AFG1L: variants seen among roughly 807,000 people sequenced by gnomAD.
The protein encoded by AFG1L is AFG1-like ATPase.
A neutral mutation model predicts 62.2 loss-of-function variants in AFG1L; 53 were observed. The observed-to-expected ratio is 0.85, with a 90% CI of 0.68 to 1.07. AFG1L has a LOEUF of 1.07. Among genes scored for constraint, AFG1L ranks in the 50% least tolerant of loss-of-function variants. The probability of loss-of-function intolerance (pLI) is 0.00; values close to 1 mark genes in which losing one functional copy is unlikely to be tolerated. For synonymous variants in AFG1L, 228 were observed against 210.3 expected (o/e 1.08, Z -0.73); for missense variants, 555 against 590.5 (o/e 0.94, Z 0.62).
rs530757502 is a variant in AFG1L at position 108,443,046 on chromosome 6, C to G, written c.808-4168C>G. On this transcript the variant is annotated intron_variant, in intron 7 of 12. Coordinates refer to ENST00000368977, the MANE Select transcript of AFG1L (RefSeq NM_145315.5). Reference sequence around the variant, plus strand: ...TCAAGTGTGCCCAGATATTGCTGTTCTGATTATCTCTTGCTGCATAACAAA... The same window carrying G: ...TCAAGTGTGCCCAGATATTGCTGTTGTGATTATCTCTTGCTGCATAACAAA... Among the ~76,000 whole-genome samples the G allele has an allele frequency of 3.6e-4, 55 of 152,306 alleles. 1 individual carries two copies. Among genetic ancestry groups the G allele is most frequent in the African/African-American group, 1.3e-3 (55 of 41,562 alleles).
chr6:108,316,205 C>T (rs1000330149), intron 1 of AFG1L, among the ~76,000 whole-genome samples: 9 of 150,556 alleles, frequency 6.0e-5, no homozygotes, highest in African/African-American at 2.2e-4. Context: ...AACGGTGAAA[C>T]CCCGTCTCTA....
chr6:108,375,068 G>A lies in AFG1L; in HGVS notation c.748+8736G>A, dbSNP rs138718580. Among the ~76,000 whole-genome samples, 8 of 152,078 alleles carry A rather than the reference G, an allele frequency of 5.3e-5. No individual in the cohort carries two copies. The East Asian group carries it at 1.5e-3, about 29-fold the overall frequency. On this transcript the variant is annotated intron_variant, in intron 6 of 12. Coordinates refer to ENST00000368977, the MANE Select transcript of AFG1L (RefSeq NM_145315.5). ...CCTCCTTGGTTAGATGTATTCGTAG[G>A]CATTTTTTGTGTGTATGGCTATTAC... is the stretch of plus-strand genomic sequence containing the variant.
chr6:108,446,893 G>A (rs1367804547), intron 7 of AFG1L, among the ~76,000 whole-genome samples: 1 of 151,816 alleles, frequency 6.6e-6, no homozygotes, highest in Non-Finnish European at 1.5e-5. Context: ...TCACTCCAGG[G>A]TATTAGAAAT....
chr6:108,438,543 T>C (rs1052088891), intron 7 of AFG1L, among the ~76,000 whole-genome samples: 1 of 152,168 alleles, frequency 6.6e-6, no homozygotes, highest in African/African-American at 2.4e-5. Context: ...GCCCATAATA[T>C]TACTTTTTTT....
chr6:108,343,982 A>T (rs556156579), intron 2 of AFG1L, among the ~76,000 whole-genome samples: 4 of 152,352 alleles, frequency 2.6e-5, no homozygotes, highest in African/African-American at 9.6e-5. Context: ...GAACCCATAA[A>T]TTATAAAACA....
chr6:108,516,243 A>T (rs897484369), intron 11 of AFG1L, among the ~76,000 whole-genome samples: 2 of 152,220 alleles, frequency 1.3e-5, no homozygotes, highest in African/African-American at 4.8e-5. Flanking sequence ...ATCAATGCAA[A>T]AATCCTCAAT....
At chr6:108,497,517 C>T (rs1774020173) in intron 10 of AFG1L, among the ~76,000 whole-genome samples, 1 of 151,864 alleles carries the variant, frequency 6.6e-6, no homozygotes. Flanking sequence ...TGCTCTCTCC[C>T]TGCATTTCTC....
chr6:108,348,859 A>G (rs1778970069), intron 3 of AFG1L, among the ~76,000 whole-genome samples: 1 of 152,198 alleles, frequency 6.6e-6, no homozygotes, highest in South Asian at 2.1e-4. Context: ...ACCTGACCAT[A>G]AATGGAGATG....
At position 108,522,307 on chromosome 6, in the gene AFG1L, A is replaced by G; in HGVS notation, c.1328A>G (p.Glu443Gly). 6.2e-7 allele frequency: 1 copy of G among 1,613,402 alleles called. No individual in the cohort carries two copies. Among genetic ancestry groups the G allele is most frequent in the Non-Finnish European group, 8.5e-7 (1 of 1,179,772 alleles). Reference protein sequence around the residue: ...DDLGLSQDSAEGLSMFTGEEE... With the variant: ...DDLGLSQDSAGGLSMFTGEEE... Reference sequence around the variant, plus strand: ...TTGTTTTATAACCAGGATTCAGCAGAAGGACTCTCCATGTTTACCGGAGAA... The same window carrying G: ...TTGTTTTATAACCAGGATTCAGCAGGAGGACTCTCCATGTTTACCGGAGAA... Residue 443 changes from glutamate to glycine, a missense_variant, in exon 13 of 13, where the codon GAA becomes GGA. Glu to Gly is a moderately conservative substitution (Grantham distance 98). Coordinates refer to ENST00000368977, the MANE Select transcript of AFG1L (RefSeq NM_145315.5).
chr6:108,485,642 ATATATATATATATATTTTTT>A (rs1463027585), intron 10 of AFG1L, among the ~76,000 whole-genome samples: 16 of 17,788 alleles, frequency 9.0e-4, no homozygotes, highest in East Asian at 8.6e-3. Context: ...ATATATATAT[ATATATATATATATATTTTTT>A]TTTTTTTTTT....
chr6:108,333,055 G>T (rs555982181), intron 2 of AFG1L, among the ~76,000 whole-genome samples: 2 of 152,234 alleles, frequency 1.3e-5, no homozygotes, highest in East Asian at 1.9e-4. Flanking sequence ...TTAACAAAAG[G>T]TACCATAGAA....
chr6:108,518,391 A>G (rs1774984993), intron 11 of AFG1L, among the ~76,000 whole-genome samples: 1 of 151,574 alleles, frequency 6.6e-6, no homozygotes, highest in Non-Finnish European at 1.5e-5. Flanking sequence ...TCAGCAAACT[A>G]TGGCAAGGAC....
At chr6:108,343,713 A>G (rs1318581046) in intron 2 of AFG1L, among the ~76,000 whole-genome samples, 1 of 152,236 alleles carries the variant, frequency 6.6e-6, no homozygotes, top group African/African-American at 2.4e-5. Context: ...TGGTTCATAT[A>G]AGAAACAAAA....
At chr6:108,329,345 C>G (rs1778180261) in intron 2 of AFG1L, among the ~76,000 whole-genome samples, 1 of 152,052 alleles carries the variant, frequency 6.6e-6, no homozygotes, top group South Asian at 2.1e-4. Flanking sequence ...GTCACCCAGG[C>G]TGGAGTGCAA....
intron 8 of AFG1L, among the ~76,000 whole-genome samples, chr6:108,466,757 TAAAATATATATATTTTAA>T (rs1025176138): frequency 3.0e-5 from 4 of 133,554 alleles, no homozygotes; most frequent in Non-Finnish European, 6.6e-5. Context: ...ATATATTTGT[TAAAATATATATATTTTAA>T]AAAATATATA....
At chr6:108,462,524 AT>A (rs1772502609) in intron 8 of AFG1L, among the ~76,000 whole-genome samples, 1 of 152,368 alleles carries the variant, frequency 6.6e-6, no homozygotes, top group South Asian at 2.1e-4. Flanking sequence ...TGAACTAGAA[AT>A]TAATTTCACT....
intron 8 of AFG1L, among the ~76,000 whole-genome samples, chr6:108,462,794 A>G (rs995910029): frequency 1.3e-5 from 2 of 152,222 alleles, no homozygotes; most frequent in African/African-American, 4.8e-5. Flanking sequence ...TATAATGTGT[A>G]TATTAGTAGA....
At chr6:108,487,308 T>A (rs916472665) in intron 10 of AFG1L, among the ~76,000 whole-genome samples, 3 of 152,170 alleles carry the variant, frequency 2.0e-5, no homozygotes, top group African/African-American at 7.2e-5. Flanking sequence ...TTGGCTGTCC[T>A]GTGCTATGAT....
At chr6:108,441,407 A>G (rs1019363015) in intron 7 of AFG1L, among the ~76,000 whole-genome samples, 1 of 151,690 alleles carries the variant, frequency 6.6e-6, no homozygotes, top group South Asian at 2.1e-4. Flanking sequence ...TTCTAATTGC[A>G]TTTTTTTTAG....
Sources: allele counts gnomAD v4.1 joint callset (sites outside exome capture counted in the v4.1 genomes callset), GRCh38; gene constraint gnomAD v4.1.1; transcripts MANE v1.5; gene names NCBI Gene and HGNC (gene_info 2026-07-23, HGNC 2026-07-21).